SNX29: variants seen among roughly 807,000 people sequenced by gnomAD.
SNX29 encodes the protein sorting nexin 29, also known as sorting nexin-29.
A neutral mutation model predicts 102.1 loss-of-function variants in SNX29; 78 were observed. The ratio of observed to expected loss-of-function variants is 0.76; its 90% CI spans 0.64 to 0.92. The LOEUF (loss-of-function observed/expected upper bound fraction) is 0.92, where lower values mean the gene tolerates loss of function less well. Among genes scored for constraint, SNX29 ranks in the 40% least tolerant of loss-of-function variants. The pLI is 0.00. For synonymous variants in SNX29, 580 were observed against 414.5 expected, an observed-to-expected ratio of 1.40 and a Z score of -4.85; for missense variants, 1,280 against 1,061.7, an observed-to-expected ratio of 1.21 and a Z score of -2.86.
chr16:12,214,884 A>G lies in SNX29; in HGVS notation c.1678+15201A>G, dbSNP rs548161894. The stretch of plus-strand genomic sequence containing the variant: ...TGCCTATTTTATACTTTAAAAATGT[A>G]ATCTCTTTATTTCTGTGGTGACAGA... On this transcript the variant is annotated intron_variant, in intron 14 of 20. Coordinates refer to ENST00000566228, the MANE Select transcript of SNX29 (RefSeq NM_032167.5). Among the ~76,000 whole-genome samples the G allele has an allele frequency of 3.9e-5, 6 of 152,254 alleles. No individual in the cohort carries two copies. The East Asian group carries it at 9.6e-4, about 24-fold the overall frequency.
At chr16:12,076,639 G>A (rs886907090) in intron 10 of SNX29, among the ~76,000 whole-genome samples, 21 of 152,178 alleles carry the variant, frequency 1.4e-4, no homozygotes, top group African/African-American at 4.6e-4. Context: ...GTGACAAAGC[G>A]AGACCCTGGA....
At position 12,228,107 on chromosome 16, in the gene SNX29, T is replaced by A. The variant is rs559004161; in HGVS notation, c.1678+28424T>A. ...ACTGGGCAACACAGTTGAGACCCTG[T>A]CAGGAAAAGAAAAGGAGAATGTCAG... is the stretch of plus-strand genomic sequence containing the variant. On this transcript the variant is annotated intron_variant, in intron 14 of 20. Transcript: ENST00000566228. 3.4e-4 allele frequency among the ~76,000 whole-genome samples: 52 copies of A among 152,118 alleles called. 1 individual carries two copies. The South Asian group carries it at 0.01, about 30-fold the overall frequency.
intron 14 of SNX29, among the ~76,000 whole-genome samples, chr16:12,229,056 A>G (rs1596565026): frequency 6.6e-6 from 1 of 152,134 alleles, no homozygotes; most frequent in South Asian, 2.1e-4. Flanking sequence ...TGGACTTGCC[A>G]CCTCCTCAGA....
At chr16:12,353,367 T>C (rs2082043196) in intron 15 of SNX29, among the ~76,000 whole-genome samples, 1 of 152,156 alleles carries the variant, frequency 6.6e-6, no homozygotes, top group Admixed American at 6.5e-5. Context: ...TAAAACCAGC[T>C]CTCATCCACT....
chr16:12,509,150 A>C (rs1597661548), intron 19 of SNX29, among the ~76,000 whole-genome samples: 1 of 152,102 alleles, frequency 6.6e-6, no homozygotes, highest in African/African-American at 2.4e-5. Context: ...AGGTAGTCCC[A>C]CCTAATGCCA....
rs954311810 is a variant in SNX29, at chr16:12,562,643, G to A, written c.2319-5863G>A. 3.3e-5 allele frequency among the ~76,000 whole-genome samples: 5 copies of A among 152,172 alleles called. No homozygotes were observed. In the East Asian group the frequency reaches 9.6e-4, roughly 29 times the overall value. On this transcript the variant is annotated intron_variant, in intron 20 of 20. Coordinates refer to ENST00000566228, the MANE Select transcript of SNX29 (RefSeq NM_032167.5). ...TACAGGCTATCAGGGTCTTCCCTGA[G>A]GGGCTGTTTTATGTCGGGAAAGTCT...
chr16:12,548,887 C>T lies in SNX29; in HGVS notation c.2319-19619C>T, dbSNP rs374549352. Among the ~76,000 whole-genome samples the T allele has an allele frequency of 4.0e-4, 61 of 152,350 alleles. 1 individual carries two copies. Among genetic ancestry groups the T allele is most frequent in the Non-Finnish European group, 6.8e-4 (46 of 68,034 alleles). ...CAGGGCCCTTGGCCTGAACCCTACA[C>T]ATAGCAGCACTCACTCGGGCTGTAG... On this transcript the variant is annotated intron_variant, in intron 20 of 20. Coordinates refer to ENST00000566228, the MANE Select transcript of SNX29 (RefSeq NM_032167.5).
At chr16:12,283,758 C>T (rs574993166) in intron 15 of SNX29, among the ~76,000 whole-genome samples, 79 of 152,194 alleles carry the variant, frequency 5.2e-4, no homozygotes, top group African/African-American at 1.5e-3. Context: ...GTGAGGCAGA[C>T]GTGCCTGTTC....
chr16:12,405,539 G>A (rs1362376622), intron 18 of SNX29, among the ~76,000 whole-genome samples: 1 of 152,202 alleles, frequency 6.6e-6, no homozygotes, highest in East Asian at 1.9e-4. Context: ...GTGTGAAGTG[G>A]TGTCTCTTGC....
chr16:12,026,142 C>G (rs532415444), intron 3 of SNX29, among the ~76,000 whole-genome samples: 1 of 152,338 alleles, frequency 6.6e-6, no homozygotes, highest in African/African-American at 2.4e-5. Flanking sequence ...GTGGTGGCCT[C>G]AAGGCCTTTG....
intron 15 of SNX29, among the ~76,000 whole-genome samples, chr16:12,331,023 C>G (rs1431540171): frequency 1.3e-5 from 2 of 152,220 alleles, no homozygotes; most frequent in Admixed American, 1.3e-4. Flanking sequence ...CTTCTTTGGG[C>G]CTCTGTAGCC....
chr16:12,272,307 C>T (rs547590276), intron 14 of SNX29, among the ~76,000 whole-genome samples: 7 of 152,206 alleles, frequency 4.6e-5, no homozygotes, highest in Admixed American at 1.3e-4. Context: ...GGACTTGAAG[C>T]GGGTTGAATG....
At chr16:12,316,884 G>A (rs898196371) in intron 15 of SNX29, among the ~76,000 whole-genome samples, 1 of 152,222 alleles carries the variant, frequency 6.6e-6, no homozygotes, top group Non-Finnish European at 1.5e-5. Flanking sequence ...AAGGTATGGA[G>A]GGGATTGAGT....
chr16:12,407,789 T>C (rs1483780511), intron 18 of SNX29, among the ~76,000 whole-genome samples: 1 of 152,218 alleles, frequency 6.6e-6, no homozygotes, highest in East Asian at 1.9e-4. Flanking sequence ...GATTCTGTGT[T>C]ACTGAAGGAG....
chr16:12,109,178 G>C (rs543016078), intron 11 of SNX29, among the ~76,000 whole-genome samples: 8 of 148,490 alleles, frequency 5.4e-5, no homozygotes, highest in African/African-American at 2.0e-4. Context: ...ATTTCTTAGA[G>C]TTGTGCAGGC....
At chr16:12,306,348 C>T (rs959640603) in intron 15 of SNX29, among the ~76,000 whole-genome samples, 1 of 151,682 alleles carries the variant, frequency 6.6e-6, no homozygotes, top group Non-Finnish European at 1.5e-5. Flanking sequence ...ATGCAGGTGC[C>T]TGGCCGAGGG....
Position 12,571,562 on chromosome 16 carries a change from A to C in SNX29, c.*2933A>C, listed in dbSNP as rs2079188321. On this transcript the variant is annotated 3_prime_UTR_variant, in exon 21 of 21. Transcript: ENST00000566228. Reference sequence around the variant, plus strand: ...TGCTGGGAGGAAGAATCCACACCGAATCCTTCTGTCTTCATGGCCTGCTGT... The same window carrying C: ...TGCTGGGAGGAAGAATCCACACCGACTCCTTCTGTCTTCATGGCCTGCTGT... The C allele has an allele frequency of 9.8e-7, 1 of 1,018,102 alleles. No homozygotes were observed. The highest frequency in any genetic ancestry group is 4.4e-4 in the Middle Eastern group (1 of 2,290). 63.1% of individuals were successfully genotyped at this position (1,018,102 alleles called of 1,614,324 possible).
intron 11 of SNX29, among the ~76,000 whole-genome samples, chr16:12,099,963 A>G (rs2052941077): frequency 6.6e-6 from 1 of 151,876 alleles, no homozygotes; most frequent in Non-Finnish European, 1.5e-5. Context: ...AGTACTGGAC[A>G]TGGATTTCCC....
chr16:12,337,411 G>C (rs748210424), intron 15 of SNX29, among the ~76,000 whole-genome samples: 1 of 151,992 alleles, frequency 6.6e-6, no homozygotes, highest in East Asian at 1.9e-4. Context: ...GTGCGATCTC[G>C]GTTCACCACA....
Sources: allele counts gnomAD v4.1 joint callset (sites outside exome capture counted in the v4.1 genomes callset), GRCh38; gene constraint gnomAD v4.1.1; transcripts MANE v1.5; gene names NCBI Gene and HGNC (gene_info 2026-07-23, HGNC 2026-07-21).